PEX5L: variants seen among roughly 807,000 people sequenced by gnomAD.
PEX5L encodes the protein PEX5-related protein.
In PEX5L, 30 loss-of-function variants were observed where a neutral mutation model predicts 84.0. The observed-to-expected ratio is 0.36, with a 90% CI of 0.27 to 0.48. The LOEUF (loss-of-function observed/expected upper bound fraction) is 0.48. Ranked by LOEUF, PEX5L falls within the 20% of genes least tolerant of loss-of-function variation. The pLI is 0.99. For synonymous variants in PEX5L, 270 were observed against 283.1 expected (o/e 0.95, Z 0.46); for missense variants, 533 against 754.6 (o/e 0.71, Z 3.44).
chr3:179,811,200 TATAAC>T (rs1260910949), intron 11 of PEX5L, among the ~76,000 whole-genome samples: 26 of 143,222 alleles, frequency 1.8e-4, no homozygotes, highest in African/African-American at 6.3e-4. Context: ...ACACCATACA[TATAAC>T]ATATGGAATG....
intron 14 of PEX5L, among the ~76,000 whole-genome samples, chr3:179,806,564 G>A (rs530429679): frequency 6.6e-6 from 1 of 152,300 alleles, no homozygotes; most frequent in Non-Finnish European, 1.5e-5. Flanking sequence ...CAGTTCAGAA[G>A]CAGTCATTCT....
At chr3:179,861,436 T>C (rs1284022944) in intron 7 of PEX5L, among the ~76,000 whole-genome samples, 1 of 152,110 alleles carries the variant, frequency 6.6e-6, no homozygotes, top group African/African-American at 2.4e-5. Context: ...CAATGGCAGC[T>C]GAATGCCGGA....
chr3:179,973,359 A>T (rs1283823832), intron 1 of PEX5L: 5 of 1,166,864 alleles, frequency 4.3e-6, no homozygotes, highest in Non-Finnish European at 5.4e-6. Context: ...ACAATAATTG[A>T]AGTATTCCTG....
rs547493819 is a variant in PEX5L at position 179,960,042 on chromosome 3, G to C, written c.93+11552C>G. On this transcript the variant is annotated intron_variant, in intron 2 of 14. Transcript: ENST00000467460. ...TTTTCAAGAGCAGGCTTTATGTTTT[G>C]CTTATTTTTTTTCTCATTTCTCCCT... 2.0e-3 allele frequency among the ~76,000 whole-genome samples: 306 copies of C among 152,116 alleles called. 1 individual carries two copies. The highest frequency in any genetic ancestry group is 5.2e-3 in the South Asian group (25 of 4,806).
At chr3:179,863,368 C>A (rs1746922487) in intron 7 of PEX5L, among the ~76,000 whole-genome samples, 2 of 151,280 alleles carry the variant, frequency 1.3e-5, no homozygotes, top group South Asian at 4.1e-4. Flanking sequence ...AACTTCCACA[C>A]AGCAAAGGAA....
chr3:179,904,307 A>G (rs1762399068), intron 2 of PEX5L, among the ~76,000 whole-genome samples: 1 of 152,154 alleles, frequency 6.6e-6, no homozygotes, highest in South Asian at 2.1e-4. Context: ...CACTAATTAC[A>G]TTCTATTATA....
At chr3:180,011,338 G>A (rs760205153) in intron 1 of PEX5L, among the ~76,000 whole-genome samples, 6 of 152,190 alleles carry the variant, frequency 3.9e-5, no homozygotes, top group Non-Finnish European at 8.8e-5. Flanking sequence ...TAGCTATTCA[G>A]AGCAGGTGGC....
intron 8 of PEX5L, among the ~76,000 whole-genome samples, chr3:179,857,868 C>A (rs1332066390): frequency 1.3e-5 from 2 of 152,112 alleles, no homozygotes; most frequent in Admixed American, 6.5e-5. Flanking sequence ...TGGTCTCAAC[C>A]AAATACATCA....
intron 10 of PEX5L, among the ~76,000 whole-genome samples, chr3:179,815,069 T>C (rs1266737976): frequency 2.0e-5 from 3 of 152,230 alleles, no homozygotes; most frequent in Non-Finnish European, 4.4e-5. Flanking sequence ...TTACACTACA[T>C]TGATGTTTTT....
At chr3:179,840,437 C>T (rs187368655) in intron 8 of PEX5L, among the ~76,000 whole-genome samples, 3 of 152,060 alleles carry the variant, frequency 2.0e-5, no homozygotes, top group Admixed American at 1.3e-4. Context: ...GATCCACTCA[C>T]CTCGGCCTCC....
chr3:180,018,467 C>G (rs1301569113), intron 1 of PEX5L, among the ~76,000 whole-genome samples: 3 of 152,076 alleles, frequency 2.0e-5, no homozygotes, highest in African/African-American at 7.2e-5. Context: ...TATGGCCAGT[C>G]CTTCTGACTT....
intron 1 of PEX5L, chr3:179,973,909 T>A (rs12488363): frequency 4.1e-6 from 4 of 985,200 alleles, no homozygotes; most frequent in Non-Finnish European, 4.8e-6. Context: ...TACACAAAGC[T>A]GGAGCCTTAC....
intron 8 of PEX5L, among the ~76,000 whole-genome samples, chr3:179,858,755 T>C (rs1577690178): frequency 6.6e-6 from 1 of 152,210 alleles, no homozygotes; most frequent in Non-Finnish European, 1.5e-5. Context: ...TGGTTCACCA[T>C]AGAACCTAGA....
At chr3:179,866,697 T>A (rs1002948257) in intron 7 of PEX5L, among the ~76,000 whole-genome samples, 25 of 152,086 alleles carry the variant, frequency 1.6e-4, no homozygotes, top group African/African-American at 5.8e-4. Context: ...CCCAGGATTT[T>A]TTTTTCTTAA....
chr3:180,023,762 GCA>G (rs1249349647), intron 1 of PEX5L, among the ~76,000 whole-genome samples: 2 of 138,348 alleles, frequency 1.4e-5, no homozygotes, highest in Non-Finnish European at 3.0e-5. Context: ...ACACACACAC[GCA>G]CACACACAGA....
chr3:179,999,183 A>G (rs1043091893), intron 1 of PEX5L, among the ~76,000 whole-genome samples: 3 of 152,232 alleles, frequency 2.0e-5, no homozygotes, highest in Admixed American at 1.3e-4. Context: ...TTGGTGACAA[A>G]GAAATTTGGG....
intron 2 of PEX5L, among the ~76,000 whole-genome samples, chr3:179,930,414 G>A (rs756226854): frequency 1.8e-4 from 28 of 152,156 alleles, no homozygotes; most frequent in Non-Finnish European, 3.5e-4. Flanking sequence ...ATATCACCCA[G>A]TCTGGCTTCT....
At chr3:179,951,078 G>T (rs1465782462) in intron 2 of PEX5L, among the ~76,000 whole-genome samples, 2 of 152,178 alleles carry the variant, frequency 1.3e-5, no homozygotes, top group Non-Finnish European at 2.9e-5. Context: ...CGGAGACTTT[G>T]CATATTCCAT....
Position 179,855,561 on chromosome 3 carries a change from GA to G in PEX5L, c.822+3500del, listed in dbSNP as rs1409334842. ...ATCCATTCCAAATCCAGCCACCCAA[GA>G]ATAACTATTGCTAACATTTGGGCAC... On this transcript the variant is annotated intron_variant, in intron 8 of 14. Transcript: ENST00000467460. 2.2e-4 allele frequency among the ~76,000 whole-genome samples: 34 copies of G among 152,268 alleles called. 2 individuals are homozygous for G. Among genetic ancestry groups the G allele is most frequent in the African/African-American group, 7.5e-4 (31 of 41,556 alleles).
Sources: gnomAD v4.1 joint callset for allele counts (sites outside exome capture counted in the v4.1 genomes callset) on GRCh38, gnomAD v4.1.1 for gene constraint, MANE v1.5 for transcripts, NCBI Gene and HGNC (gene_info 2026-07-23, HGNC 2026-07-21) for gene names.